Variants in FNIP1 observed in about 807,000 individuals in gnomAD.
The protein encoded by FNIP1 is folliculin-interacting protein 1.
In FNIP1, 40 loss-of-function variants were observed where a neutral mutation model predicts 124.5. The observed-to-expected ratio is 0.32, with a 90% CI of 0.25 to 0.42. The LOEUF is 0.42. Among genes scored for constraint, FNIP1 ranks in the 10% least tolerant of loss-of-function variants. The pLI is 1.00. For synonymous variants in FNIP1, 472 were observed against 470.6 expected, an observed-to-expected ratio of 1.00 and a Z score of -0.04; for missense variants, 1,176 against 1,403.7, an observed-to-expected ratio of 0.84 and a Z score of 2.59.
intron 15 of FNIP1, among the ~76,000 whole-genome samples, chr5:131,652,355 T>C (rs1767064276): frequency 6.6e-6 from 1 of 152,106 alleles, no homozygotes; most frequent in Admixed American, 6.5e-5. Context: ...GAGACAAACA[T>C]TTTATTTTAT....
chr5:131,739,988 A>G (rs1249499987), intron 2 of FNIP1, among the ~76,000 whole-genome samples: 1 of 151,690 alleles, frequency 6.6e-6, no homozygotes, highest in Non-Finnish European at 1.5e-5. Flanking sequence ...TCCAGACACT[A>G]CCCCCACCCC....
At chr5:131,732,320 C>G (rs889525031) in intron 2 of FNIP1, among the ~76,000 whole-genome samples, 19 of 152,138 alleles carry the variant, frequency 1.2e-4, no homozygotes, top group Admixed American at 6.6e-5. Context: ...ATGTACTAGT[C>G]TCCAGTTATC....
At chr5:131,696,730 C>T (rs1768706352) in intron 11 of FNIP1, among the ~76,000 whole-genome samples, 1 of 151,996 alleles carries the variant, frequency 6.6e-6, no homozygotes, top group African/African-American at 2.4e-5. Flanking sequence ...TTTGCCTGTA[C>T]AAATTATTTC....
chr5:131,649,013 A>T (rs1230700376), intron 16 of FNIP1, among the ~76,000 whole-genome samples: 2 of 152,200 alleles, frequency 1.3e-5, no homozygotes, highest in Non-Finnish European at 2.9e-5. Context: ...GGCTGAATAA[A>T]TATTGCATTG....
At chr5:131,775,770 C>T (rs1287404751) in intron 1 of FNIP1, among the ~76,000 whole-genome samples, 6 of 152,074 alleles carry the variant, frequency 3.9e-5, no homozygotes, top group East Asian at 1.9e-4. Context: ...TCAGGTGATC[C>T]GCCCGCCTCA....
In FNIP1 at chr5:131,670,442, A is replaced by G. The variant is rs190526395; in HGVS notation, c.3108+21T>C. 9,421 of 1,533,790 alleles carry G rather than the reference A, an allele frequency of 6.1e-3. 70 individuals are homozygous for G. The highest frequency in any genetic ancestry group is 0.023 in the South Asian group (1,807 of 78,852). ...ACAGAGTTTCTTCTAAATAAACTCA[A>G]AAACAGTGAAGGTCACTCACCTGCA... On this transcript the variant is annotated intron_variant, in intron 15 of 17. Coordinates refer to ENST00000510461, the MANE Select transcript of FNIP1 (RefSeq NM_133372.3).
In FNIP1 at chr5:131,739,832, A is replaced by AAC. The variant is rs1554097675; in HGVS notation, c.219+4731_219+4732insGT. ...CAGCTCAAAAAAAAAAAAAAAAAAA[A>AAC]AAAAACACTGTTTTAGATACTGAGA... On this transcript the variant is annotated intron_variant, in intron 2 of 17. Coordinates refer to ENST00000510461, the MANE Select transcript of FNIP1 (RefSeq NM_133372.3). 3.9e-4 allele frequency among the ~76,000 whole-genome samples: 59 copies of AAC among 149,648 alleles called. 1 individual carries two copies. The highest frequency in any genetic ancestry group is 1.4e-3 in the African/African-American group (57 of 39,726).
chr5:131,764,113 T>C (rs1283437191), intron 1 of FNIP1, among the ~76,000 whole-genome samples: 1 of 151,992 alleles, frequency 6.6e-6, no homozygotes, highest in Middle Eastern at 3.2e-3. Flanking sequence ...GCTCTAGCCA[T>C]GTGAAGTGCC....
intron 1 of FNIP1, among the ~76,000 whole-genome samples, chr5:131,790,144 C>T (rs890017495): frequency 6.6e-6 from 1 of 152,112 alleles, no homozygotes; most frequent in African/African-American, 2.4e-5. Context: ...TGTCCACTGG[C>T]ACAACAATGT....
chr5:131,766,296 C>G (rs746309514), intron 1 of FNIP1, among the ~76,000 whole-genome samples: 9 of 152,012 alleles, frequency 5.9e-5, no homozygotes, highest in Admixed American at 1.3e-4. Flanking sequence ...CCTGCCTTGG[C>G]TTCCCAAAGT....
intron 3 of FNIP1, among the ~76,000 whole-genome samples, chr5:131,724,889 G>A (rs984557278): frequency 6.6e-6 from 1 of 152,138 alleles, no homozygotes; most frequent in Non-Finnish European, 1.5e-5. Context: ...AAGGTGTAAG[G>A]AAGGAATCCA....
chr5:131,722,831 G>A (rs1769719109), intron 3 of FNIP1, among the ~76,000 whole-genome samples: 1 of 152,114 alleles, frequency 6.6e-6, no homozygotes, highest in Non-Finnish European at 1.5e-5. Flanking sequence ...CAATACAGGT[G>A]CGTACCACCA....
chr5:131,669,803 C>CTTAAT (rs1767698260), intron 15 of FNIP1, among the ~76,000 whole-genome samples: 1 of 151,852 alleles, frequency 6.6e-6, no homozygotes, highest in African/African-American at 2.4e-5. Context: ...TAACAACATA[C>CTTAAT]TTAATCATGA....
chr5:131,772,576 C>T (rs557613119), intron 1 of FNIP1, among the ~76,000 whole-genome samples: 5 of 152,278 alleles, frequency 3.3e-5, no homozygotes, highest in African/African-American at 1.2e-4. Flanking sequence ...TCTCTATCTT[C>T]TCCACCATGC....
intron 2 of FNIP1, among the ~76,000 whole-genome samples, chr5:131,742,705 T>G (rs921567967): frequency 6.6e-6 from 1 of 152,252 alleles, no homozygotes; most frequent in African/African-American, 2.4e-5. Context: ...AAACTGCTAA[T>G]GCTTAAACAT....
chr5:131,795,012 G>A (rs1772535337), intron 1 of FNIP1, among the ~76,000 whole-genome samples: 1 of 152,172 alleles, frequency 6.6e-6, no homozygotes, highest in Non-Finnish European at 1.5e-5. Flanking sequence ...ATAGCTCAAT[G>A]AAATAGTTTT....
chr5:131,655,790 C>T (rs1273790581), intron 15 of FNIP1, among the ~76,000 whole-genome samples: 1 of 150,940 alleles, frequency 6.6e-6, no homozygotes, highest in African/African-American at 2.4e-5. Flanking sequence ...TGGTGGCAGG[C>T]GCCTGCAATC....
intron 13 of FNIP1, among the ~76,000 whole-genome samples, chr5:131,676,471 T>C (rs1172468714): frequency 6.6e-6 from 1 of 151,922 alleles, no homozygotes; most frequent in Non-Finnish European, 1.5e-5. Flanking sequence ...TTTAAATATG[T>C]GTTGGGCCAG....
chr5:131,727,980 T>C (rs1769942899), intron 3 of FNIP1, among the ~76,000 whole-genome samples: 1 of 152,344 alleles, frequency 6.6e-6, no homozygotes, highest in East Asian at 1.9e-4. Context: ...AAAATTCTTT[T>C]CTTTAAGAAC....
Sources: gnomAD v4.1 joint callset for allele counts (sites outside exome capture counted in the v4.1 genomes callset) on GRCh38, gnomAD v4.1.1 for gene constraint, MANE v1.5 for transcripts, NCBI Gene and HGNC (gene_info 2026-07-23, HGNC 2026-07-21) for gene names.